Variants in CENPP observed in about 807,000 individuals in gnomAD.
The protein encoded by CENPP is centromere protein P.
CENPP carries 24 observed loss-of-function variants against 35.6 expected under a neutral mutation model. The observed-to-expected ratio is 0.67, with a 90% CI of 0.49 to 0.95. The LOEUF (loss-of-function observed/expected upper bound fraction) is 0.95. Among genes scored for constraint, CENPP ranks in the 40% least tolerant of loss-of-function variants. The pLI, the probability that CENPP is intolerant of heterozygous loss-of-function variation, is 0.00. For synonymous variants in CENPP, 120 were observed against 125.5 expected, an observed-to-expected ratio of 0.96 and a Z score of 0.29; for missense variants, 332 against 345.3, an observed-to-expected ratio of 0.96 and a Z score of 0.31.
intron 5 of CENPP, chr9:92,464,679 A>G (rs1845239112): frequency 1.6e-6 from 1 of 633,136 alleles, no homozygotes; most frequent in Non-Finnish European, 2.9e-6. Context: ...AAGGAAAACT[A>G]AAAGTTCATT....
intron 5 of CENPP, chr9:92,495,596 T>C: frequency 1.0e-6 from 1 of 972,892 alleles, no homozygotes; most frequent in Non-Finnish European, 1.2e-6. Flanking sequence ...AATCTTAATA[T>C]ACTGTTTAAC....
Position 92,432,890 on chromosome 9 carries a change from T to TG in CENPP, c.564+53035dup, listed in dbSNP as rs137915052. Among the ~76,000 whole-genome samples the TG allele has an allele frequency of 6.9e-4, 105 of 152,226 alleles. No individual in the cohort carries two copies. The East Asian group carries it at 0.019, about 27-fold the overall frequency. On this transcript the variant is annotated intron_variant, in intron 5 of 7. Transcript: ENST00000375587. The stretch of plus-strand genomic sequence containing the variant: ...GCATATAGAAGTAGACCCTTTAATT[T>TG]GGGGAATACATAATCCATTGTATTA...
intron 4 of CENPP, among the ~76,000 whole-genome samples, chr9:92,347,662 T>G (rs1841329965): frequency 6.6e-6 from 1 of 152,220 alleles, no homozygotes. Context: ...TGAAAAATTT[T>G]TAGTCATTAT....
chr9:92,344,534 T>C (rs1272626205), intron 3 of CENPP, among the ~76,000 whole-genome samples: 1 of 152,008 alleles, frequency 6.6e-6, no homozygotes, highest in African/African-American at 2.4e-5. Flanking sequence ...AGTTTATTAT[T>C]TATTTTTATT....
intron 5 of CENPP, among the ~76,000 whole-genome samples, chr9:92,604,131 G>A (rs1851006579): frequency 6.6e-6 from 1 of 152,224 alleles, no homozygotes; most frequent in Non-Finnish European, 1.5e-5. Context: ...GTGGTAAGAA[G>A]CTGCCAAACT....
intron 5 of CENPP, chr9:92,493,891 T>C: frequency 7.3e-6 from 3 of 410,502 alleles, no homozygotes; most frequent in Non-Finnish European, 1.3e-5. Context: ...AGAAGCGACA[T>C]ACACAGCAAG....
rs949007899 is a variant in CENPP, at chr9:92,415,886, C to CT, written c.564+36038dup. Among the ~76,000 whole-genome samples, 274 of 134,034 alleles carry CT rather than the reference C, an allele frequency of 2.0e-3. 2 individuals carry two copies. Among genetic ancestry groups the CT allele is most frequent in the African/African-American group, 2.5e-3 (92 of 36,856 alleles). 87.9% of individuals were successfully genotyped at this position (134,034 alleles called of 152,430 possible). ...AAAATTATATATTTCTTCTTTTTTT[C>CT]TTTTTTTTTTTCCTGTTGCAAGGAG... On this transcript the variant is annotated intron_variant, in intron 5 of 7. Transcript: ENST00000375587.
At chr9:92,453,428 A>C (rs150625182) in intron 5 of CENPP, among the ~76,000 whole-genome samples, 3,428 of 152,200 alleles carry the variant, frequency 0.023, 55 homozygotes, top group South Asian at 0.071. Flanking sequence ...GTTTCTTAAT[A>C]CTGAGTTCTA....
chr9:92,336,474 T>C (rs1220104822), intron 2 of CENPP, among the ~76,000 whole-genome samples: 1 of 152,230 alleles, frequency 6.6e-6, no homozygotes, highest in Non-Finnish European at 1.5e-5. Context: ...TCAGTTTTCC[T>C]GGCTCTACCA....
chr9:92,528,133 G>A (rs1008981174), intron 5 of CENPP: 1 of 152,262 alleles, frequency 6.6e-6, no homozygotes, highest in Non-Finnish European at 1.5e-5. Flanking sequence ...GAGTAATAGG[G>A]ACTACGTATA....
At chr9:92,587,015 A>T (rs866782235) in intron 5 of CENPP, among the ~76,000 whole-genome samples, 2 of 152,162 alleles carry the variant, frequency 1.3e-5, no homozygotes, top group African/African-American at 4.8e-5. Context: ...GGGCGGGGGC[A>T]CATGGGAATG....
chr9:92,518,311 G>T (rs974040345), intron 5 of CENPP, among the ~76,000 whole-genome samples: 2 of 152,166 alleles, frequency 1.3e-5, no homozygotes, highest in Non-Finnish European at 2.9e-5. Context: ...GAAATGTGAG[G>T]TTACAAATCA....
intron 5 of CENPP, among the ~76,000 whole-genome samples, chr9:92,467,819 G>A (rs970379018): frequency 6.6e-6 from 1 of 152,094 alleles, no homozygotes; most frequent in African/African-American, 2.4e-5. Context: ...ACCAAGAAAG[G>A]GTAAGCCTAG....
At chr9:92,511,188 C>T (rs905410246) in intron 5 of CENPP, among the ~76,000 whole-genome samples, 6 of 152,106 alleles carry the variant, frequency 3.9e-5, no homozygotes, top group Admixed American at 6.5e-5. Context: ...TGCAATGGCG[C>T]GATCTCGGCT....
rs187592987 is a variant in CENPP, at chr9:92,553,922, G to T, written c.565-57392G>T. The stretch of plus-strand genomic sequence containing the variant: ...TGCCCTTTATTTCTCTTGCCTGATT[G>T]CTCTGGCTAGGACTTCCAGTACTGT... On this transcript the variant is annotated intron_variant, in intron 5 of 7. Transcript: ENST00000375587. 4.5e-3 allele frequency among the ~76,000 whole-genome samples: 687 copies of T among 152,210 alleles called. 4 individuals carry two copies. Among genetic ancestry groups the T allele is most frequent in the African/African-American group, 0.014 (593 of 41,538 alleles).
intron 5 of CENPP, among the ~76,000 whole-genome samples, chr9:92,582,149 G>A (rs982431227): frequency 1.3e-5 from 2 of 152,040 alleles, no homozygotes; most frequent in African/African-American, 4.8e-5. Flanking sequence ...AACCTCCTGG[G>A]CTCAAGTAAT....
chr9:92,564,285 C>A (rs118023703), intron 5 of CENPP, among the ~76,000 whole-genome samples: 6,055 of 151,758 alleles, frequency 0.04, 186 homozygotes, highest in South Asian at 0.098. Context: ...GCTGCTCGGG[C>A]GGCTGAGGCA....
chr9:92,327,203 A>G (rs1357275980), intron 1 of CENPP, among the ~76,000 whole-genome samples: 1 of 152,264 alleles, frequency 6.6e-6, no homozygotes, highest in Non-Finnish European at 1.5e-5. Flanking sequence ...TTTAAGAACC[A>G]GGGAAAAATA....
At chr9:92,425,581 G>A (rs970352879) in intron 5 of CENPP, among the ~76,000 whole-genome samples, 11 of 152,166 alleles carry the variant, frequency 7.2e-5, no homozygotes, top group African/African-American at 2.4e-4. Flanking sequence ...ATAAGATAAA[G>A]TGAATCCTGG....
Sources: gnomAD v4.1 joint callset for allele counts (sites outside exome capture counted in the v4.1 genomes callset) on GRCh38, gnomAD v4.1.1 for gene constraint, MANE v1.5 for transcripts, NCBI Gene and HGNC (gene_info 2026-07-23, HGNC 2026-07-21) for gene names.